Variants in RBFOX1 observed in about 807,000 individuals in gnomAD.
The protein encoded by RBFOX1 is RNA binding fox-1 homolog 1, also known as RNA binding protein fox-1 homolog 1.
In RBFOX1, 8 loss-of-function variants were observed where a neutral mutation model predicts 57.7. The observed-to-expected ratio is 0.14, with a 90% CI of 0.08 to 0.25. The LOEUF (loss-of-function observed/expected upper bound fraction) is 0.25, where lower values mean the gene tolerates loss of function less well. RBFOX1 is among the 10% of genes least tolerant of loss of function. RBFOX1 has a pLI of 1.00. For synonymous variants in RBFOX1, 326 were observed against 222.4 expected, an observed-to-expected ratio of 1.47 and a Z score of -4.15; for missense variants, 611 against 548.5, an observed-to-expected ratio of 1.11 and a Z score of -1.14.
At chr16:5,533,441 C>A (rs1314983768) in intron 2 of RBFOX1, among the ~76,000 whole-genome samples, 2 of 152,108 alleles carry the variant, frequency 1.3e-5, no homozygotes, top group Non-Finnish European at 2.9e-5. Context: ...GTTGCAGGCA[C>A]ACTGAGAGGG....
chr16:6,974,934 C>G (rs998906619), intron 3 of RBFOX1, among the ~76,000 whole-genome samples: 3 of 152,128 alleles, frequency 2.0e-5, no homozygotes, highest in African/African-American at 2.4e-5. Flanking sequence ...TCTTTTAAAA[C>G]ACTTTTTTAA....
At chr16:6,346,800 A>G (rs1438875706) in intron 2 of RBFOX1, among the ~76,000 whole-genome samples, 1 of 152,194 alleles carries the variant, frequency 6.6e-6, no homozygotes, top group Non-Finnish European at 1.5e-5. Flanking sequence ...GGTTGATGTT[A>G]GTCATGTCAA....
At chr16:7,543,667 CTGTGTGTGTGTGTGTG>C (rs71150310) in intron 5 of RBFOX1, among the ~76,000 whole-genome samples, 2,059 of 141,490 alleles carry the variant, frequency 0.015, 28 homozygotes, top group East Asian at 0.041. Flanking sequence ...TGGGCAGTAT[CTGTGTGTGTGTGTGTG>C]TGTGTGTGTG....
chr16:7,186,562 AAACATATTTATATAAATATAAGCT>A (rs1473753489), intron 4 of RBFOX1, among the ~76,000 whole-genome samples: 133 of 116,992 alleles, frequency 1.1e-3, no homozygotes, highest in African/African-American at 2.1e-3. Context: ...ATATAAGCTT[AAACATATTTATATAAATATAAGCT>A]TAAACATATT....
chr16:6,247,038 C>A (rs995010817), intron 1 of RBFOX1, among the ~76,000 whole-genome samples: 9 of 152,132 alleles, frequency 5.9e-5, no homozygotes, highest in African/African-American at 1.9e-4. Flanking sequence ...CCATTTTACT[C>A]CAGCCTGGGC....
intron 2 of RBFOX1, among the ~76,000 whole-genome samples, chr16:6,546,615 A>C (rs908092040): frequency 4.6e-5 from 7 of 152,168 alleles, no homozygotes; most frequent in African/African-American, 1.4e-4. Flanking sequence ...CTTTGTGTCC[A>C]CATTTCTCCT....
At chr16:7,336,229 A>G (rs994258877) in intron 4 of RBFOX1, among the ~76,000 whole-genome samples, 1 of 152,168 alleles carries the variant, frequency 6.6e-6, no homozygotes, top group African/African-American at 2.4e-5. Flanking sequence ...CAAATGACAT[A>G]ACCAAAACAA....
At chr16:7,600,120 C>CCATT (rs2094932447) in intron 9 of RBFOX1, among the ~76,000 whole-genome samples, 1 of 152,086 alleles carries the variant, frequency 6.6e-6, no homozygotes, top group African/African-American at 2.4e-5. Context: ...ATCCCATGTC[C>CCATT]CATTCCAGGT....
chr16:7,207,033 G>A (rs1327319023), intron 4 of RBFOX1, among the ~76,000 whole-genome samples: 3 of 152,082 alleles, frequency 2.0e-5, no homozygotes, highest in African/African-American at 7.2e-5. Flanking sequence ...CTTCATCCTG[G>A]CAACTTCAAG....
chr16:5,823,200 A>T (rs1260656652), intron 3 of RBFOX1, among the ~76,000 whole-genome samples: 1 of 152,186 alleles, frequency 6.6e-6, no homozygotes, highest in East Asian at 1.9e-4. Flanking sequence ...TGACGCAGTG[A>T]GTGGATGAAC....
intron 3 of RBFOX1, among the ~76,000 whole-genome samples, chr16:6,997,012 GTA>G (rs1229620079): frequency 1.3e-5 from 2 of 152,084 alleles, no homozygotes; most frequent in African/African-American, 2.4e-5. Context: ...ATATGTATAT[GTA>G]TATATGTTTA....
chr16:7,693,791 G>A (rs1262420419), intron 14 of RBFOX1, among the ~76,000 whole-genome samples: 1 of 152,116 alleles, frequency 6.6e-6, no homozygotes, highest in South Asian at 2.1e-4. Flanking sequence ...GAATATTAGA[G>A]GCTGTAAAAG....
chr16:6,404,555 G>A (rs758529951), intron 2 of RBFOX1, among the ~76,000 whole-genome samples: 5 of 152,192 alleles, frequency 3.3e-5, no homozygotes, highest in Non-Finnish European at 5.9e-5. Context: ...TTTCATGCCA[G>A]AGTGAGTTAT....
At chr16:6,910,356 C>T (rs1465396420) in intron 3 of RBFOX1, among the ~76,000 whole-genome samples, 1 of 152,100 alleles carries the variant, frequency 6.6e-6, no homozygotes, top group Non-Finnish European at 1.5e-5. Flanking sequence ...GTCTCCACAC[C>T]CATCTTCCTA....
intron 1 of RBFOX1, among the ~76,000 whole-genome samples, chr16:5,432,984 C>G (rs2067800568): frequency 6.6e-6 from 1 of 152,092 alleles, no homozygotes; most frequent in Admixed American, 6.6e-5. Flanking sequence ...CAGGGTTTCA[C>G]CATGTTGGCC....
chr16:6,510,910 C>G (rs1329644649), intron 2 of RBFOX1, among the ~76,000 whole-genome samples: 1 of 151,748 alleles, frequency 6.6e-6, no homozygotes, highest in Non-Finnish European at 1.5e-5. Context: ...TAGTGGCTGA[C>G]TCATAATTTT....
intron 4 of RBFOX1, among the ~76,000 whole-genome samples, chr16:7,343,182 C>G (rs959764190): frequency 2.0e-5 from 3 of 152,172 alleles, no homozygotes; most frequent in Admixed American, 6.5e-5. Context: ...AAGAATAGCT[C>G]CCATCTGTCA....
At chr16:6,463,944 G>A (rs1034572569) in intron 2 of RBFOX1, among the ~76,000 whole-genome samples, 1 of 152,014 alleles carries the variant, frequency 6.6e-6, no homozygotes, top group Non-Finnish European at 1.5e-5. Context: ...TCCCAGAGAG[G>A]AGGAGAGCCA....
At chr16:5,725,631 G>A (rs919153756) in intron 3 of RBFOX1, among the ~76,000 whole-genome samples, 1 of 151,336 alleles carries the variant, frequency 6.6e-6, no homozygotes, top group Non-Finnish European at 1.5e-5. Context: ...CTGCAAGAGT[G>A]CTCATAAGAT....
Sources: allele counts gnomAD v4.1 joint callset (sites outside exome capture counted in the v4.1 genomes callset), GRCh38; gene constraint gnomAD v4.1.1; transcripts MANE v1.5; gene names NCBI Gene and HGNC (gene_info 2026-07-23, HGNC 2026-07-21).